RANBP2: variants seen among roughly 807,000 people sequenced by gnomAD.
RANBP2 encodes E3 SUMO-protein ligase RanBP2.
Under a neutral mutation model 303.6 loss-of-function variants are expected in RANBP2, and 57 were observed. The ratio of observed to expected loss-of-function variants is 0.19; its 90% CI spans 0.15 to 0.23. The LOEUF (loss-of-function observed/expected upper bound fraction) is 0.23. Ranked by LOEUF, RANBP2 falls within the 10% of genes least tolerant of loss-of-function variation. The pLI is 1.00. For synonymous variants in RANBP2, 1,167 were observed against 1,301.5 expected (o/e 0.90, Z 2.23); for missense variants, 3,138 against 3,780.8 (o/e 0.83, Z 4.46).
the RANBP2 span, among the ~76,000 whole-genome samples, chr2:109,316,117 C>G: frequency 1.2e-4 from 19 of 152,164 alleles, no homozygotes; most frequent in Non-Finnish European, 2.8e-4. Flanking sequence ...AAACCTAAAG[C>G]TTTCAAAAAG....
rs756270057 is a variant in RANBP2, at chr2:108,764,288, C to G, written c.3749C>G (p.Pro1250Arg). 6.2e-7 allele frequency: 1 copy of G among 1,613,776 alleles called. No individual in the cohort carries two copies. The highest frequency in any genetic ancestry group is 2.2e-5 in the East Asian group (1 of 44,880). ...ATCTGTGCAAATCATTACATCAGTC[C>G]AGATATGAAATTGACACCAAATGCT... ...LKICANHYISPDMKLTPNAGS... is the reference protein window; with the variant it reads ...LKICANHYISRDMKLTPNAGS... The change falls in exon 20 of 29, where the codon CCA (proline) becomes CGA (arginine). Residue 1250 changes from proline to arginine, a missense_variant. Physicochemically the swap from Pro to Arg is moderately radical, Grantham distance 103. Around this residue, in one of 20 missense-constraint regions of RANBP2, gnomAD observed 72 missense variants for 119.5 expected, o/e 0.60. Transcript: ENST00000283195.
chr2:109,463,857 C>T, the RANBP2 span, among the ~76,000 whole-genome samples: 1 of 152,158 alleles, frequency 6.6e-6, no homozygotes, highest in African/African-American at 2.4e-5. Context: ...CAACTGATTC[C>T]CTCAGCTGGG....
At chr2:109,399,997 G>T in the RANBP2 span, among the ~76,000 whole-genome samples, 1 of 152,146 alleles carries the variant, frequency 6.6e-6, no homozygotes. Context: ...CCCTCTGGCT[G>T]CCCTGGACAG....
chr2:108,926,769 G>A, the RANBP2 span, among the ~76,000 whole-genome samples: 2 of 152,354 alleles, frequency 1.3e-5, no homozygotes, highest in Non-Finnish European at 2.9e-5. Flanking sequence ...AGAAGCACCT[G>A]CCAAACCGCA....
chr2:109,215,577 T>C, the RANBP2 span, among the ~76,000 whole-genome samples: 1 of 152,132 alleles, frequency 6.6e-6, no homozygotes. Context: ...ATGTAGTTTT[T>C]TGCCTGTGAT....
chr2:109,180,795 T>C, the RANBP2 span, among the ~76,000 whole-genome samples: 2 of 152,208 alleles, frequency 1.3e-5, no homozygotes, highest in African/African-American at 4.8e-5. Context: ...GTCTCTGGTA[T>C]GTCTATCAGC....
At chr2:109,216,661 C>A in the RANBP2 span, among the ~76,000 whole-genome samples, 8 of 152,260 alleles carry the variant, frequency 5.3e-5, no homozygotes, top group Admixed American at 4.6e-4. Flanking sequence ...TCACTGGAAC[C>A]TCCTGCCCTC....
the RANBP2 span, among the ~76,000 whole-genome samples, chr2:109,492,451 G>A: frequency 6.6e-6 from 1 of 152,118 alleles, no homozygotes; most frequent in Non-Finnish European, 1.5e-5. Flanking sequence ...AGCATCACAA[G>A]AGCTGGGTGT....
chr2:109,082,283 TTTTTA>T, the RANBP2 span, among the ~76,000 whole-genome samples: 36 of 152,198 alleles, frequency 2.4e-4, no homozygotes, highest in Admixed American at 1.2e-3. Flanking sequence ...TAGCACCCCT[TTTTTA>T]TTTTATTTTA....
At chr2:109,002,720 G>C in the RANBP2 span, among the ~76,000 whole-genome samples, 1 of 152,116 alleles carries the variant, frequency 6.6e-6, no homozygotes, top group Non-Finnish European at 1.5e-5. Flanking sequence ...TTGGGGTTTT[G>C]GGTGTTTTTG....
chr2:108,748,172 A>C (rs1165032345), intron 8 of RANBP2, among the ~76,000 whole-genome samples: 1 of 151,974 alleles, frequency 6.6e-6, no homozygotes, highest in Non-Finnish European at 1.5e-5. Context: ...AAACCTATGG[A>C]ATAAAAAACT....
the RANBP2 span, among the ~76,000 whole-genome samples, chr2:108,938,147 T>C: frequency 6.6e-6 from 1 of 152,344 alleles, no homozygotes; most frequent in Non-Finnish European, 1.5e-5. Context: ...AGGAAGAGCA[T>C]GGAAAATCAG....
intron 25 of RANBP2, among the ~76,000 whole-genome samples, chr2:108,778,037 A>T (rs1448255049): frequency 6.6e-6 from 1 of 152,190 alleles, no homozygotes; most frequent in Non-Finnish European, 1.5e-5. Context: ...TCATGGCTTC[A>T]CTGATGTCGT....
rs576001655 is a variant in RANBP2 at position 108,749,182 on chromosome 2, C to T, written c.1273+53C>T. ...TCTCCGTCTTAATTCTTATAAATTG[C>T]CCATAATCTTATTACCCAGAAATAA... On this transcript the variant is annotated intron_variant, in intron 9 of 28. Transcript: ENST00000283195. 579 of 1,610,444 alleles carry T rather than the reference C, an allele frequency of 3.6e-4. 4 individuals carry two copies. The African/African-American group carries it at 6.9e-3, about 19-fold the overall frequency.
Position 108,784,854 on chromosome 2 carries a change from A to G in RANBP2, c.*953A>G, listed in dbSNP as rs1678499556. 1 of 152,590 alleles carries G rather than the reference A, an allele frequency of 6.6e-6. No individual in the cohort carries two copies. Among genetic ancestry groups the G allele is most frequent in the Non-Finnish European group, 1.5e-5 (1 of 68,028 alleles). 9.5% of individuals were successfully genotyped at this position (152,590 alleles called of 1,614,324 possible). A position where few individuals can be genotyped will look rare whatever the true frequency, so the allele number is the denominator to read the frequency against. On this transcript the variant is annotated 3_prime_UTR_variant, in exon 29 of 29. Transcript: ENST00000283195. ...GGTTCATTCTAAAGTAAGGAAGACA[A>G]TTTAAAGGCAGTAAATTCAAACTGC... is the stretch of plus-strand genomic sequence containing the variant.
the RANBP2 span, among the ~76,000 whole-genome samples, chr2:108,903,408 G>C: frequency 1.3e-5 from 2 of 151,802 alleles, no homozygotes; most frequent in Non-Finnish European, 2.9e-5. Flanking sequence ...TATATGGAAA[G>C]GCAAAGGAAC....
the RANBP2 span, among the ~76,000 whole-genome samples, chr2:109,437,542 T>C: frequency 8.1e-4 from 123 of 152,246 alleles, no homozygotes; most frequent in African/African-American, 2.5e-3. Flanking sequence ...CCATGAATGA[T>C]TGTGGGCCGG....
the RANBP2 span, among the ~76,000 whole-genome samples, chr2:109,607,753 C>A: frequency 3.9e-5 from 6 of 152,270 alleles, no homozygotes; most frequent in Admixed American, 2.6e-4. Context: ...TGACTTCTCA[C>A]CCAACCTGCC....
chr2:109,396,793 AC>A, the RANBP2 span, among the ~76,000 whole-genome samples: 1 of 152,164 alleles, frequency 6.6e-6, no homozygotes, highest in African/African-American at 2.4e-5. Flanking sequence ...CCAAGCTTAC[AC>A]CCATGGCTGG....
Sources: allele counts gnomAD v4.1 joint callset (sites outside exome capture counted in the v4.1 genomes callset), GRCh38; gene constraint gnomAD v4.1.1; regional missense constraint gnomAD v4.1.1; transcripts MANE v1.5; gene names NCBI Gene and HGNC (gene_info 2026-07-23, HGNC 2026-07-21).